The following FMN2 variants were observed in gnomAD, a reference collection of about 807,000 sequenced individuals.
FMN2 encodes the protein formin 2, also known as formin-2.
In FMN2, 51 loss-of-function variants were observed where a neutral mutation model predicts 142.3. The observed-to-expected ratio is 0.36, with a 90% CI of 0.29 to 0.45. The LOEUF (loss-of-function observed/expected upper bound fraction) is 0.45, where lower values mean the gene tolerates loss of function less well. Among genes scored for constraint, FMN2 ranks in the 20% least tolerant of loss-of-function variants. The pLI is 1.00. For missense variants in FMN2, 1,936 were observed against 2,122.8 expected (o/e 0.91, Z 1.73); for synonymous variants, 882 against 869.8 (o/e 1.01, Z -0.25).
chr1:240,218,354 G>T (rs966243713), intron 6 of FMN2, among the ~76,000 whole-genome samples: 5 of 151,136 alleles, frequency 3.3e-5, no homozygotes, highest in South Asian at 2.1e-4. Flanking sequence ...AATTTTTAAT[G>T]GCTAGAATGT....
intron 2 of FMN2, among the ~76,000 whole-genome samples, chr1:240,149,633 T>C (rs1270686253): frequency 2.6e-5 from 4 of 152,216 alleles, no homozygotes; most frequent in Admixed American, 2.6e-4. Flanking sequence ...GGAAATTTCT[T>C]CTCATTCATG....
At chr1:240,446,094 G>A (rs1320188723) in intron 16 of FMN2, among the ~76,000 whole-genome samples, 1 of 152,152 alleles carries the variant, frequency 6.6e-6, no homozygotes, top group Non-Finnish European at 1.5e-5. Flanking sequence ...TAGAAAAAGA[G>A]CTGAGGAAAG....
At chr1:240,255,919 A>G (rs755443781) in intron 6 of FMN2, among the ~76,000 whole-genome samples, 1 of 152,232 alleles carries the variant, frequency 6.6e-6, no homozygotes, top group Non-Finnish European at 1.5e-5. Context: ...TATAGAGAAC[A>G]GAACTCTAGG....
intron 8 of FMN2, among the ~76,000 whole-genome samples, chr1:240,302,190 C>T (rs1167360367): frequency 6.6e-6 from 1 of 151,950 alleles, no homozygotes; most frequent in Non-Finnish European, 1.5e-5. Context: ...CTAGAATTTT[C>T]ATTAATAGTT....
intron 13 of FMN2, among the ~76,000 whole-genome samples, chr1:240,343,196 TC>T (rs1236455906): frequency 1.3e-5 from 2 of 152,194 alleles, no homozygotes; most frequent in East Asian, 1.9e-4. Flanking sequence ...TGAAAAAGCC[TC>T]CCAGCCAGTA....
Position 240,092,931 on chromosome 1 carries a change from C to G in FMN2, c.822C>G (p.Ser274=). ...GTCCGGACACCGAGCAGGCGCTGTC[C>G]GCGCTCTCCGACCTGCCCGAGAGCC... ...PGSPDTEQAL[S]ALSDLPESLA... Residue 274 remains serine, a synonymous_variant, in exon 1 of 18, where the codon TCC becomes TCG. Coordinates refer to ENST00000319653, the MANE Select transcript of FMN2 (RefSeq NM_020066.5). The G allele has an allele frequency of 6.8e-7, 1 of 1,468,158 alleles. No individual in the cohort carries two copies. The highest frequency in any genetic ancestry group is 8.9e-7 in the Non-Finnish European group (1 of 1,117,712). 90.9% of individuals were successfully genotyped at this position (1,468,158 alleles called of 1,614,324 possible). A position where few individuals can be genotyped will look rare whatever the true frequency, so the allele number is the denominator to read the frequency against.
At chr1:240,419,743 A>C (rs1280644200) in intron 15 of FMN2, among the ~76,000 whole-genome samples, 1 of 152,144 alleles carries the variant, frequency 6.6e-6, no homozygotes, top group African/African-American at 2.4e-5. Flanking sequence ...ACCATGTTTC[A>C]GGGTCCTTCC....
intron 14 of FMN2, among the ~76,000 whole-genome samples, chr1:240,368,372 G>C (rs1672752578): frequency 6.6e-6 from 1 of 152,130 alleles, no homozygotes; most frequent in Non-Finnish European, 1.5e-5. Context: ...GTACAGACTA[G>C]TGTTTATTTA....
chr1:240,304,493 T>C (rs1314722245), intron 8 of FMN2, among the ~76,000 whole-genome samples: 1 of 152,198 alleles, frequency 6.6e-6, no homozygotes, highest in Non-Finnish European at 1.5e-5. Flanking sequence ...TCCCGATATA[T>C]ATACAGTTGC....
chr1:240,409,649 C>G (rs1674332041), intron 15 of FMN2, among the ~76,000 whole-genome samples: 1 of 152,230 alleles, frequency 6.6e-6, no homozygotes, highest in Non-Finnish European at 1.5e-5. Flanking sequence ...CATATACAGG[C>G]ACAATTATTC....
chr1:240,313,159 A>C (rs1168884906), intron 8 of FMN2, among the ~76,000 whole-genome samples: 2 of 152,336 alleles, frequency 1.3e-5, no homozygotes, highest in African/African-American at 4.8e-5. Context: ...GCTGTCTACA[A>C]AACGATGAGT....
At chr1:240,166,876 C>T (rs1664502727) in intron 2 of FMN2, among the ~76,000 whole-genome samples, 1 of 152,150 alleles carries the variant, frequency 6.6e-6, no homozygotes, top group African/African-American at 2.4e-5. Context: ...AATCCCAGAA[C>T]TTTGGGAGGC....
chr1:240,170,360 T>C, intron 2 of FMN2: 2 of 1,176,670 alleles, frequency 1.7e-6, no homozygotes, highest in Non-Finnish European at 2.6e-6. Flanking sequence ...TTTCCAGTGA[T>C]CTTGGGACAT....
chr1:240,422,555 T>C (rs1674809239), intron 15 of FMN2, among the ~76,000 whole-genome samples: 1 of 152,214 alleles, frequency 6.6e-6, no homozygotes, highest in East Asian at 1.9e-4. Flanking sequence ...TATTCAGTGC[T>C]GGTATATGGG....
At position 240,355,850 on chromosome 1, in the gene FMN2, C is replaced by T. The variant is rs754946171; in HGVS notation, c.4800C>T (p.Val1600=). The change falls in exon 14 of 18, where the codon GTC becomes GTT. Residue 1600 remains valine (V), a synonymous_variant. Coordinates refer to ENST00000319653, the MANE Select transcript of FMN2 (RefSeq NM_020066.5). ...CEVEAGKVYQ[V]SSKEHMQPFK... is the part of the protein sequence containing the mutation. ...TTGAAGCAGGGAAAGTATACCAGGT[C>T]TCCTCAAAAGAGCATATGCAGCCTT... 3 of 1,607,182 alleles carry T rather than the reference C, an allele frequency of 1.9e-6. No individual in the cohort carries two copies. The highest frequency in any genetic ancestry group is 2.5e-6 in the Non-Finnish European group (3 of 1,176,508).
intron 2 of FMN2, chr1:240,170,409 T>G: frequency 8.1e-7 from 1 of 1,238,618 alleles, no homozygotes; most frequent in Non-Finnish European, 1.2e-6. Flanking sequence ...GTGAGGGAGT[T>G]GCTAAGCTGA....
At chr1:240,146,853 C>T (rs888072920) in intron 2 of FMN2, among the ~76,000 whole-genome samples, 1 of 152,058 alleles carries the variant, frequency 6.6e-6, no homozygotes, top group African/African-American at 2.4e-5. Flanking sequence ...TTTCACTTGA[C>T]AGTTGTTACA....
At chr1:240,261,076 A>C (rs557959511) in intron 7 of FMN2, among the ~76,000 whole-genome samples, 1 of 152,080 alleles carries the variant, frequency 6.6e-6, no homozygotes, top group East Asian at 1.9e-4. Context: ...ATTTCACTTT[A>C]TTTCTGGGTT....
At chr1:240,284,340 T>TG (rs966678360) in intron 7 of FMN2, among the ~76,000 whole-genome samples, 18 of 152,174 alleles carry the variant, frequency 1.2e-4, no homozygotes, top group African/African-American at 3.6e-4. Flanking sequence ...TCTTTTAAGC[T>TG]GGGGGGGAGG....
Sources: allele counts gnomAD v4.1 joint callset (sites outside exome capture counted in the v4.1 genomes callset), GRCh38; gene constraint gnomAD v4.1.1; transcripts MANE v1.5; gene names NCBI Gene and HGNC (gene_info 2026-07-23, HGNC 2026-07-21).